Variants in TTC9 observed in about 807,000 individuals in gnomAD.
TTC9 encodes the protein tetratricopeptide repeat protein 9A.
In TTC9, 13 loss-of-function variants were observed where a neutral mutation model predicts 22.9. That is an observed-to-expected ratio of 0.57 (90% CI 0.37 to 0.90). TTC9 has a LOEUF of 0.90. Ranked by LOEUF, TTC9 falls within the 40% of genes least tolerant of loss-of-function variation. The pLI, the probability that TTC9 is intolerant of heterozygous loss-of-function variation, is 0.01. For synonymous variants in TTC9, 148 were observed against 133.2 expected (o/e 1.11, Z -0.77); for missense variants, 280 against 291.8 (o/e 0.96, Z 0.29).
At chr14:70,664,641 A>G (rs976733068) in intron 1 of TTC9, among the ~76,000 whole-genome samples, 1 of 151,804 alleles carries the variant, frequency 6.6e-6, no homozygotes, top group Non-Finnish European at 1.5e-5. Context: ...AGACGGGAGA[A>G]TTGCTTGAAC....
At chr14:70,665,150 G>T (rs1347515726) in intron 1 of TTC9, among the ~76,000 whole-genome samples, 3 of 152,036 alleles carry the variant, frequency 2.0e-5, no homozygotes, top group Non-Finnish European at 2.9e-5. Flanking sequence ...GACTGCCAGG[G>T]TCAGCAAACA....
intron 1 of TTC9, among the ~76,000 whole-genome samples, chr14:70,658,802 C>T (rs1302945397): frequency 1.3e-5 from 2 of 152,084 alleles, no homozygotes; most frequent in African/African-American, 2.4e-5. Context: ...CTGGAAACAG[C>T]GCAGATATCT....
At chr14:70,666,801 A>G (rs546114819) in intron 1 of TTC9, among the ~76,000 whole-genome samples, 18 of 152,344 alleles carry the variant, frequency 1.2e-4, no homozygotes, top group African/African-American at 4.1e-4. Context: ...ATGTAAAACA[A>G]TGAGACCAGC....
At chr14:70,653,319 AG>A (rs1594736784) in intron 1 of TTC9, among the ~76,000 whole-genome samples, 1 of 152,244 alleles carries the variant, frequency 6.6e-6, no homozygotes, top group Admixed American at 6.5e-5. Flanking sequence ...GTGAGCAAAA[AG>A]GTGAGGACAA....
chr14:70,663,489 G>A (rs978813080), intron 1 of TTC9, among the ~76,000 whole-genome samples: 1 of 152,190 alleles, frequency 6.6e-6, no homozygotes, highest in East Asian at 1.9e-4. Flanking sequence ...AGTCCAAAAT[G>A]TCAATAGTGC....
At chr14:70,654,970 G>C (rs1317282796) in intron 1 of TTC9, among the ~76,000 whole-genome samples, 1 of 152,218 alleles carries the variant, frequency 6.6e-6, no homozygotes, top group Non-Finnish European at 1.5e-5. Context: ...GTTGCAGACT[G>C]TTTACACATC....
intron 1 of TTC9, among the ~76,000 whole-genome samples, chr14:70,666,759 T>C (rs766645361): frequency 1.4e-4 from 22 of 152,172 alleles, no homozygotes; most frequent in Non-Finnish European, 2.6e-4. Flanking sequence ...AGTACCCACA[T>C]TGGAGTATTC....
intron 1 of TTC9, among the ~76,000 whole-genome samples, chr14:70,659,531 CGCA>C (rs903498557): frequency 7.4e-4 from 112 of 152,166 alleles, no homozygotes; most frequent in African/African-American, 2.5e-3. Context: ...AAAAAGCAGC[CGCA>C]GCAGGAGGAG....
chr14:70,644,719 A>G (rs751189831), intron 1 of TTC9, among the ~76,000 whole-genome samples: 17 of 152,206 alleles, frequency 1.1e-4, no homozygotes, highest in Non-Finnish European at 2.1e-4. Flanking sequence ...CTAACGGGCT[A>G]TTTCCAAATG....
In TTC9 at chr14:70,641,968, A is replaced by T; in HGVS notation, c.-162A>T. On this transcript the variant is annotated 5_prime_UTR_variant, in exon 1 of 3. Transcript: ENST00000256367. Reference sequence around the variant, plus strand: ...AGCAGCCTCTGGCAGCAGCGGGGAGAATGGGAGTGCGGGGCGCCAGACCGC... The same window carrying T: ...AGCAGCCTCTGGCAGCAGCGGGGAGTATGGGAGTGCGGGGCGCCAGACCGC... 3.8e-6 allele frequency: 1 copy of T among 265,232 alleles called. No homozygotes were observed. The highest frequency in any genetic ancestry group is 5.8e-6 in the Non-Finnish European group (1 of 172,688). 16.4% of individuals were successfully genotyped at this position (265,232 alleles called of 1,614,324 possible).
chr14:70,651,990 T>C lies in TTC9; in HGVS notation c.406+9455T>C, dbSNP rs1005398738. Among the ~76,000 whole-genome samples, 8 of 151,986 alleles carry C rather than the reference T, an allele frequency of 5.3e-5. 1 individual carries two copies. The highest frequency in any genetic ancestry group is 1.2e-4 in the Non-Finnish European group (8 of 67,992). ...AAAAAAATACATGGAGTGGGGACAG[T>C]TGGGACCAGGGTTTTAGTCCAGGCT... On this transcript the variant is annotated intron_variant, in intron 1 of 2. Coordinates refer to ENST00000256367, the MANE Select transcript of TTC9 (RefSeq NM_015351.2).
Position 70,671,069 on chromosome 14 carries a change from C to T in TTC9, c.590-7C>T. ...GTGTTCCCTAAGGTTTATTTCTCTC[C>T]TCACAGACACCAACGTGATTCGGTA... On this transcript the variant is annotated splice_polypyrimidine_tract_variant and splice_region_variant and intron_variant, in intron 2 of 2. Transcript: ENST00000256367. 1 of 1,613,118 alleles carries T rather than the reference C, an allele frequency of 6.2e-7. No homozygotes were observed. Among genetic ancestry groups the T allele is most frequent in the Non-Finnish European group, 8.5e-7 (1 of 1,179,360 alleles).
intron 1 of TTC9, among the ~76,000 whole-genome samples, chr14:70,656,535 T>C (rs536297247): frequency 6.6e-6 from 1 of 152,196 alleles, no homozygotes; most frequent in Admixed American, 6.5e-5. Flanking sequence ...TCTGAGGACA[T>C]GAGGGAAAGA....
At chr14:70,652,018 G>T (rs1465922675) in intron 1 of TTC9, among the ~76,000 whole-genome samples, 1 of 151,742 alleles carries the variant, frequency 6.6e-6, no homozygotes, top group Non-Finnish European at 1.5e-5. Flanking sequence ...TCCAGGCTCT[G>T]CTGCTAACTT....
At chr14:70,659,794 G>T (rs1284469672) in intron 1 of TTC9, among the ~76,000 whole-genome samples, 1 of 152,104 alleles carries the variant, frequency 6.6e-6, no homozygotes, top group Non-Finnish European at 1.5e-5. Flanking sequence ...AGCATCCTAG[G>T]AGGGCAGTGT....
chr14:70,645,847 T>C (rs1431001556), intron 1 of TTC9, among the ~76,000 whole-genome samples: 1 of 152,228 alleles, frequency 6.6e-6, no homozygotes, highest in Non-Finnish European at 1.5e-5. Context: ...GACTGGGTTT[T>C]AGGAGGAAGT....
In TTC9 at chr14:70,666,175, G is replaced by C. The variant is rs930048002; in HGVS notation, c.407-1389G>C. 1.3e-5 allele frequency among the ~76,000 whole-genome samples: 2 copies of C among 152,160 alleles called. 1 individual carries two copies. Among genetic ancestry groups the C allele is most frequent in the African/African-American group, 4.8e-5 (2 of 41,422 alleles). On this transcript the variant is annotated intron_variant, in intron 1 of 2. Coordinates refer to ENST00000256367, the MANE Select transcript of TTC9 (RefSeq NM_015351.2). ...CACGAAATTTCAATCATTCTTCAAG[G>C]CCATTTAGTCATCCTCCAGGCGTGT...
chr14:70,647,644 C>T (rs186884611), intron 1 of TTC9, among the ~76,000 whole-genome samples: 91 of 152,228 alleles, frequency 6.0e-4, no homozygotes, highest in Admixed American at 1.5e-3. Context: ...GAATTCTTTG[C>T]TCCTGGGGCA....
At chr14:70,650,312 A>C (rs1885965179) in intron 1 of TTC9, among the ~76,000 whole-genome samples, 1 of 152,164 alleles carries the variant, frequency 6.6e-6, no homozygotes, top group African/African-American at 2.4e-5. Context: ...AATCCCAGCT[A>C]CTGGGGAGGC....
Sources: gnomAD v4.1 joint callset for allele counts (sites outside exome capture counted in the v4.1 genomes callset) on GRCh38, gnomAD v4.1.1 for gene constraint, MANE v1.5 for transcripts, NCBI Gene and HGNC (gene_info 2026-07-23, HGNC 2026-07-21) for gene names.